UGT1A8: variants seen among roughly 807,000 people sequenced by gnomAD.
UGT1A8 encodes the protein UDP-glucuronosyltransferase 1A8.
Under a neutral mutation model 45.3 loss-of-function variants are expected in UGT1A8, and 39 were observed. The ratio of observed to expected loss-of-function variants is 0.86; its 90% CI spans 0.67 to 1.12. The LOEUF is 1.12. UGT1A8 is among the 50% of genes most tolerant of loss of function. The probability of loss-of-function intolerance (pLI) is 0.00; values close to 1 mark genes in which losing one functional copy is unlikely to be tolerated. For missense variants in UGT1A8, 719 were observed against 664.9 expected (o/e 1.08, Z -0.90); for synonymous variants, 275 against 249.2 (o/e 1.10, Z -0.97).
At chr2:233,711,329 A>G (rs1022297235) in intron 1 of UGT1A8, among the ~76,000 whole-genome samples, 2 of 152,214 alleles carry the variant, frequency 1.3e-5, no homozygotes, top group African/African-American at 4.8e-5. Context: ...ACAAAACACC[A>G]CTGCATGGAG....
chr2:233,635,790 A>T (rs1311464679), intron 1 of UGT1A8, among the ~76,000 whole-genome samples: 2 of 151,010 alleles, frequency 1.3e-5, no homozygotes, highest in Non-Finnish European at 2.9e-5. Context: ...TAGAGCAGTC[A>T]CAGAGAGGCA....
At chr2:233,637,834 A>G (rs1218745225) in intron 1 of UGT1A8, among the ~76,000 whole-genome samples, 1 of 152,128 alleles carries the variant, frequency 6.6e-6, no homozygotes. Flanking sequence ...ATTCTTCTTT[A>G]TCTTGCATTT....
chr2:233,678,917 T>C (rs181700113), intron 1 of UGT1A8, among the ~76,000 whole-genome samples: 2,507 of 152,296 alleles, frequency 0.016, 85 homozygotes, highest in African/African-American at 0.057. Flanking sequence ...TGAAGTCATG[T>C]GCAACATCTG....
chr2:233,724,460 G>A lies in UGT1A8; in HGVS notation c.856-42574G>A, dbSNP rs551187141. 1.6e-3 allele frequency among the ~76,000 whole-genome samples: 182 copies of A among 113,876 alleles called. 4 individuals carry two copies. Among genetic ancestry groups the A allele is most frequent in the Middle Eastern group, 0.011 (2 of 176 alleles). The allele number at this position is 113,876 out of a possible 152,430, so 74.7% of individuals were successfully genotyped here. A position where few individuals can be genotyped will look rare whatever the true frequency, so the allele number is the denominator to read the frequency against. ...TTCTCAGACAGGGCAGCTGCCGGGC[G>A]GAGGGGCTCCTCACTTCTCAGACGG... On this transcript the variant is annotated intron_variant, in intron 1 of 4. Transcript: ENST00000373450.
rs117393949 is a variant in UGT1A8, at chr2:233,637,955, A to G, written c.855+19393A>G. On this transcript the variant is annotated intron_variant, in intron 1 of 4. Transcript: ENST00000373450. ...TACTTTGGATACAATGTAGTTTTTT[A>G]ACCAATTAATATTGATATATATATA... is the stretch of plus-strand genomic sequence containing the variant. Among the ~76,000 whole-genome samples, 27 of 152,294 alleles carry G rather than the reference A, an allele frequency of 1.8e-4. 1 individual carries two copies. In the East Asian group the frequency reaches 5.0e-3, roughly 28 times the overall value.
At chr2:233,658,956 T>A (rs2073911071) in intron 1 of UGT1A8, among the ~76,000 whole-genome samples, 1 of 152,188 alleles carries the variant, frequency 6.6e-6, no homozygotes, top group South Asian at 2.1e-4. Flanking sequence ...AATTTTAGAG[T>A]CAGTTTGCCA....
In UGT1A8 at chr2:233,618,257, C is replaced by T; in HGVS notation, c.550C>T (p.Pro184Ser). 1 of 1,613,904 alleles carries T rather than the reference C, an allele frequency of 6.2e-7. No homozygotes were observed. Among genetic ancestry groups the T allele is most frequent in the Non-Finnish European group, 8.5e-7 (1 of 1,179,852 alleles). The change falls in exon 1 of 5, where the codon CCT (proline) becomes TCT (serine). Residue 184 changes from proline (P) to serine (S), a missense_variant. Physicochemically the swap from Pro to Ser is moderately conservative, Grantham distance 74. Transcript: ENST00000373450. ...CHYLEEGAQC[P>S]APLSYVPRIL... ...CTATCTTGAAGAAGGTGCACAGTGC[C>T]CTGCTCCTCTTTCCTATGTCCCCAG... is the stretch of plus-strand genomic sequence containing the variant.
chr2:233,700,683 T>C (rs940558980), intron 1 of UGT1A8, among the ~76,000 whole-genome samples: 1 of 152,164 alleles, frequency 6.6e-6, no homozygotes, highest in Non-Finnish European at 1.5e-5. Flanking sequence ...TTCGTGATAA[T>C]ATATAAACTA....
intron 1 of UGT1A8, among the ~76,000 whole-genome samples, chr2:233,642,565 G>A (rs569538135): frequency 6.6e-5 from 10 of 152,280 alleles, no homozygotes; most frequent in East Asian, 5.8e-4. Flanking sequence ...CCTGAATGGC[G>A]TTGATGCTAG....
At chr2:233,718,851 C>G in intron 1 of UGT1A8, 1 of 1,613,708 alleles carries the variant, frequency 6.2e-7, no homozygotes. Context: ...TCCCCTGCCG[C>G]GGCTGGCCAC....
intron 1 of UGT1A8, among the ~76,000 whole-genome samples, chr2:233,758,432 C>A (rs1404622059): frequency 6.6e-6 from 1 of 152,194 alleles, no homozygotes; most frequent in African/African-American, 2.4e-5. Flanking sequence ...TGAACTCACA[C>A]AGCATTGGGA....
At chr2:233,715,060 A>AT (rs2076430472) in intron 1 of UGT1A8, among the ~76,000 whole-genome samples, 2 of 151,556 alleles carry the variant, frequency 1.3e-5, no homozygotes, top group African/African-American at 2.4e-5. Context: ...TTTTTTTTGT[A>AT]TTTTTTATGG....
At chr2:233,661,148 A>T (rs2073955441) in intron 1 of UGT1A8, among the ~76,000 whole-genome samples, 1 of 149,566 alleles carries the variant, frequency 6.7e-6, no homozygotes, top group South Asian at 2.1e-4. Context: ...CTATGGATGT[A>T]ATGACTCTAG....
chr2:233,729,290 G>C (rs1376789035), intron 1 of UGT1A8: 3 of 1,614,236 alleles, frequency 1.9e-6, no homozygotes, highest in East Asian at 4.5e-5. Context: ...CATGCCAGAG[G>C]CCACCAGGCA....
intron 1 of UGT1A8, chr2:233,681,884 C>G (rs1170971791): frequency 1.0e-5 from 16 of 1,560,728 alleles, no homozygotes; most frequent in African/African-American, 1.4e-5. Flanking sequence ...CTTCCACTTA[C>G]TATATTATAG....
At chr2:233,695,228 C>T (rs530081428) in intron 1 of UGT1A8, among the ~76,000 whole-genome samples, 6 of 151,278 alleles carry the variant, frequency 4.0e-5, no homozygotes, top group Admixed American at 2.0e-4. Flanking sequence ...TGGGTTCAAG[C>T]GATTCTCCTG....
At chr2:233,648,142 C>T (rs17862850) in intron 1 of UGT1A8, 14,916 of 1,278,964 alleles carry the variant, frequency 0.012, 97 homozygotes, top group Non-Finnish European at 0.014. Flanking sequence ...AGCAGAAGTA[C>T]GACGCTTATT....
At chr2:233,753,977 T>C (rs138478111) in intron 1 of UGT1A8, among the ~76,000 whole-genome samples, 15 of 152,322 alleles carry the variant, frequency 9.8e-5, no homozygotes, top group African/African-American at 3.4e-4. Context: ...ACGTGTGTTG[T>C]TTTAAGCCAC....
At chr2:233,725,472 G>A (rs2125714310) in intron 1 of UGT1A8, among the ~76,000 whole-genome samples, 1 of 152,100 alleles carries the variant, frequency 6.6e-6, no homozygotes, top group East Asian at 1.9e-4. Context: ...TAGTGGGCAT[G>A]TTAGAAACCA....
Sources: gnomAD v4.1 joint callset for allele counts (sites outside exome capture counted in the v4.1 genomes callset) on GRCh38, gnomAD v4.1.1 for gene constraint, MANE v1.5 for transcripts, NCBI Gene and HGNC (gene_info 2026-07-23, HGNC 2026-07-21) for gene names.